The following CLDN10 variants were observed in gnomAD, a reference collection of about 807,000 sequenced individuals.
CLDN10 encodes the protein claudin 10.
In CLDN10, 15 loss-of-function variants were observed where a neutral mutation model predicts 22.9. The observed-to-expected ratio is 0.65, with a 90% CI of 0.44 to 1.01. The LOEUF (loss-of-function observed/expected upper bound fraction) is 1.01, where lower values mean the gene tolerates loss of function less well. CLDN10 is among the 50% of genes least tolerant of loss of function. The pLI, the probability that CLDN10 is intolerant of heterozygous loss-of-function variation, is 0.00. For synonymous variants in CLDN10, 114 were observed against 111.4 expected (o/e 1.02, Z -0.15); for missense variants, 247 against 287.8 (o/e 0.86, Z 1.03).
intron 1 of CLDN10, chr13:95,479,481 A>T (rs1447081857): frequency 6.6e-6 from 1 of 152,222 alleles, no homozygotes; most frequent in East Asian, 1.9e-4. Flanking sequence ...AATATGCATT[A>T]CTAAGGCTAT....
intron 1 of CLDN10, among the ~76,000 whole-genome samples, chr13:95,465,265 A>T (rs576635000): frequency 1.3e-5 from 2 of 152,090 alleles, no homozygotes; most frequent in African/African-American, 4.8e-5. Flanking sequence ...CCATGATTCA[A>T]TTATCTCCCA....
intron 1 of CLDN10, among the ~76,000 whole-genome samples, chr13:95,522,809 T>C (rs2043236767): frequency 6.6e-6 from 1 of 152,068 alleles, no homozygotes; most frequent in African/African-American, 2.4e-5. Context: ...AAAGTGACTC[T>C]CTTTAACTGT....
chr13:95,458,229 A>T (rs946906271), intron 1 of CLDN10, among the ~76,000 whole-genome samples: 2 of 152,206 alleles, frequency 1.3e-5, no homozygotes, highest in African/African-American at 4.8e-5. Context: ...AAAGCAAGTC[A>T]TATGGCCAAA....
chr13:95,498,366 G>C (rs1019105030), intron 1 of CLDN10, among the ~76,000 whole-genome samples: 2 of 152,088 alleles, frequency 1.3e-5, no homozygotes, highest in Admixed American at 6.6e-5. Flanking sequence ...ATGTCTATGG[G>C]CAAAATATTT....
chr13:95,464,473 T>C (rs2042565551), intron 1 of CLDN10, among the ~76,000 whole-genome samples: 1 of 152,238 alleles, frequency 6.6e-6, no homozygotes, highest in Non-Finnish European at 1.5e-5. Flanking sequence ...GGTGTATATG[T>C]GCCACACTTT....
chr13:95,492,287 G>C (rs144981475), intron 1 of CLDN10, among the ~76,000 whole-genome samples: 1,607 of 152,050 alleles, frequency 0.011, 26 homozygotes, highest in African/African-American at 0.036. Context: ...CCATAAGGTG[G>C]GGGCGGGGCT....
At chr13:95,525,418 T>C (rs1433522186) in intron 1 of CLDN10, among the ~76,000 whole-genome samples, 2 of 152,216 alleles carry the variant, frequency 1.3e-5, no homozygotes, top group Non-Finnish European at 2.9e-5. Flanking sequence ...TTTGCAAATA[T>C]CTTTTTCCCA....
chr13:95,573,775 T>C (rs1016007351), intron 3 of CLDN10, among the ~76,000 whole-genome samples: 5 of 151,736 alleles, frequency 3.3e-5, no homozygotes, highest in African/African-American at 1.2e-4. Flanking sequence ...GTGCACAACA[T>C]GCAGGTTTGA....
chr13:95,462,703 A>C (rs1343568150), intron 1 of CLDN10, among the ~76,000 whole-genome samples: 1 of 152,250 alleles, frequency 6.6e-6, no homozygotes, highest in Admixed American at 6.5e-5. Context: ...GAAGACAAAA[A>C]ACAGAAATGG....
At position 95,500,177 on chromosome 13, in the gene CLDN10, C is replaced by T. The variant is rs149256698; in HGVS notation, c.215-59955C>T. On this transcript the variant is annotated intron_variant, in intron 1 of 4. Transcript: ENST00000376873. ...CCTCGAATAAAGCCCAAAGGCTCCC[C>T]ATTCTCCTAGAGTCTACATTCCATT... 7.6e-4 allele frequency among the ~76,000 whole-genome samples: 107 copies of T among 139,932 alleles called. 1 individual carries two copies. The highest frequency in any genetic ancestry group is 2.5e-3 in the African/African-American group (102 of 40,494). The allele number at this position is 139,932 out of a possible 152,430, so 91.8% of individuals were successfully genotyped here. A position where few individuals can be genotyped will look rare whatever the true frequency, so the allele number is the denominator to read the frequency against.
chr13:95,449,237 C>T (rs954686679), intron 1 of CLDN10, among the ~76,000 whole-genome samples: 14 of 152,094 alleles, frequency 9.2e-5, no homozygotes, highest in African/African-American at 3.1e-4. Flanking sequence ...TAAACTCTGT[C>T]TGTGTTTCAG....
chr13:95,486,497 T>C (rs552154827), intron 1 of CLDN10, among the ~76,000 whole-genome samples: 109 of 133,456 alleles, frequency 8.2e-4, no homozygotes, highest in African/African-American at 3.0e-3. Flanking sequence ...CACTCCAGCC[T>C]GGGCAACACA....
At chr13:95,525,970 C>T (rs1226540225) in intron 1 of CLDN10, among the ~76,000 whole-genome samples, 3 of 152,294 alleles carry the variant, frequency 2.0e-5, no homozygotes, top group African/African-American at 4.8e-5. Flanking sequence ...TGTTGGATCT[C>T]CTGGATCGTT....
chr13:95,472,669 CA>C (rs35872345), intron 1 of CLDN10, among the ~76,000 whole-genome samples: 3,650 of 106,200 alleles, frequency 0.034, 124 homozygotes, highest in African/African-American at 0.11. Context: ...GACTCCGTCT[CA>C]AAAAAAAAAA....
At position 95,474,955 on chromosome 13, in the gene CLDN10, G is replaced by C. The variant is rs113195172; in HGVS notation, c.214+40908G>C. 1.5e-3 allele frequency among the ~76,000 whole-genome samples: 227 copies of C among 152,274 alleles called. 1 individual carries two copies. The highest frequency in any genetic ancestry group is 5.3e-3 in the African/African-American group (219 of 41,548). On this transcript the variant is annotated intron_variant, in intron 1 of 4. Transcript: ENST00000376873. ...GGGCCTGAGCCTAATGGGATCTCAG[G>C]GATCTGCCAGTATACGTCTCACATC...
At chr13:95,557,227 G>A (rs973925161) in intron 1 of CLDN10, among the ~76,000 whole-genome samples, 2 of 152,200 alleles carry the variant, frequency 1.3e-5, no homozygotes, top group Non-Finnish European at 2.9e-5. Flanking sequence ...TATTAACAGT[G>A]TCAGTAAATT....
At chr13:95,447,435 G>A (rs1265070524) in intron 1 of CLDN10, among the ~76,000 whole-genome samples, 1 of 152,270 alleles carries the variant, frequency 6.6e-6, no homozygotes, top group East Asian at 1.9e-4. Flanking sequence ...TTTAAACCTG[G>A]ACCGCAGACC....
intron 3 of CLDN10, among the ~76,000 whole-genome samples, chr13:95,563,039 T>G (rs1318763702): frequency 1.3e-5 from 2 of 152,038 alleles, no homozygotes; most frequent in Non-Finnish European, 2.9e-5. Flanking sequence ...GGTGCTACAT[T>G]GGCTATTCCA....
intron 1 of CLDN10, among the ~76,000 whole-genome samples, chr13:95,468,750 C>T (rs112476216): frequency 7.2e-4 from 110 of 151,944 alleles, no homozygotes; most frequent in African/African-American, 2.6e-3. Context: ...AGAAAGAAAA[C>T]GGCCTGGGTG....
Sources: allele counts gnomAD v4.1 joint callset (sites outside exome capture counted in the v4.1 genomes callset), GRCh38; gene constraint gnomAD v4.1.1; transcripts MANE v1.5; gene names NCBI Gene and HGNC (gene_info 2026-07-23, HGNC 2026-07-21).